Variants in SPG7 observed in about 807,000 individuals in gnomAD.
SPG7 encodes the protein mitochondrial inner membrane m-AAA protease component paraplegin.
Under a neutral mutation model 81.9 loss-of-function variants are expected in SPG7, and 103 were observed. That is an observed-to-expected ratio of 1.26 (90% CI 1.07 to 1.48). SPG7 has a LOEUF of 1.48. Among genes scored for constraint, SPG7 ranks in the 40% most tolerant of loss-of-function variants. The probability of loss-of-function intolerance (pLI) is 0.00; values close to 1 mark genes in which losing one functional copy is unlikely to be tolerated. For synonymous variants in SPG7, 534 were observed against 444.2 expected (o/e 1.20, Z -2.54); for missense variants, 1,241 against 1,087.3 (o/e 1.14, Z -1.99).
intron 10 of SPG7, chr16:89,546,092 C>CT (rs891752792): frequency 0.072 from 17,625 of 246,412 alleles, 61 homozygotes; most frequent in South Asian, 0.11. Context: ...AGAGCGTTCT[C>CT]TTTTTTTTTT....
chr16:89,546,227 C>T lies in SPG7; in HGVS notation c.1450-431C>T, dbSNP rs145888434. On this transcript the variant is annotated intron_variant, in intron 10 of 16. Coordinates refer to ENST00000645818, the MANE Select transcript of SPG7 (RefSeq NM_003119.4). ...TCAGCCTCCCGAGTAGCTGGGATTA[C>T]AGGCACCCGCCGTCTTGCCTGGCTA... is the stretch of plus-strand genomic sequence containing the variant. 866 of 314,720 alleles carry T rather than the reference C, an allele frequency of 2.8e-3. 7 individuals carry two copies. Among genetic ancestry groups the T allele is most frequent in the African/African-American group, 0.018 (817 of 46,056 alleles). 19.5% of individuals were successfully genotyped at this position (314,720 alleles called of 1,614,324 possible).
intron 3 of SPG7, among the ~76,000 whole-genome samples, chr16:89,516,167 T>C (rs1285736891): frequency 6.6e-6 from 1 of 152,070 alleles, no homozygotes; most frequent in African/African-American, 2.4e-5. Flanking sequence ...TTTGTAGTTT[T>C]GGTAGAGACC....
Position 89,524,245 on chromosome 16 carries a change from C to G in SPG7, c.616C>G (p.Pro206Ala), listed in dbSNP as rs1400637806. The G allele has an allele frequency of 6.2e-6, 10 of 1,609,086 alleles. No homozygotes were observed. Among genetic ancestry groups the G allele is most frequent in the Non-Finnish European group, 8.5e-6 (10 of 1,177,550 alleles). The stretch of plus-strand genomic sequence containing the variant: ...CCCTGGAGCCGTGGTGTTTGGGCGG[C>G]CTGTGAGTGAGGGTGCGGGAGGCCT... ...LHPGAVVFGR[P>A]RLALMYRMQV... is the part of the protein sequence containing the mutation. Residue 206 changes from proline (P) to alanine (A), a missense_variant and splice_region_variant, in exon 4 of 17, where the codon CCT becomes GCT. Coordinates refer to ENST00000645818, the MANE Select transcript of SPG7 (RefSeq NM_003119.4).
intron 9 of SPG7, chr16:89,541,455 G>A: frequency 2.0e-6 from 1 of 501,660 alleles, no homozygotes; most frequent in Non-Finnish European, 2.6e-6. Flanking sequence ...AGTTAGGGGA[G>A]GTCTCCAGGG....
Position 89,548,086 on chromosome 16 carries a change from G to A in SPG7, c.1636G>A (p.Glu546Lys), listed in dbSNP as rs773806649. 9.3e-6 allele frequency: 15 copies of A among 1,608,638 alleles called. No individual in the cohort carries two copies. The highest frequency in any genetic ancestry group is 1.7e-5 in the Admixed American group (1 of 60,030). ...GHTSVHTLNF[E>K]YAVERVLAGT... ...CACTTCCGTGCACACTCTCAACTTC[G>A]AGTACGCCGTGGAGCGCGTCCTCGC... The change falls in exon 12 of 17, where the codon GAG becomes AAG. Residue 546 changes from glutamate to lysine, a missense_variant. By Grantham distance (56) the Glu-to-Lys change is moderately conservative (BLOSUM62 1). Coordinates refer to ENST00000645818, the MANE Select transcript of SPG7 (RefSeq NM_003119.4).
chr16:89,514,271 T>G (rs2058061516), intron 3 of SPG7: 2 of 150,158 alleles, frequency 1.3e-5, no homozygotes, highest in Non-Finnish European at 3.0e-5. Context: ...GCTCTTTCCC[T>G]GTATACTTCA....
At position 89,556,885 on chromosome 16, in the gene SPG7, A is replaced by G; in HGVS notation, c.2182-2A>G. The G allele has an allele frequency of 6.2e-7, 1 of 1,612,712 alleles. No homozygotes were observed. Among genetic ancestry groups the G allele is most frequent in the Non-Finnish European group, 8.5e-7 (1 of 1,178,858 alleles). On this transcript the variant is annotated splice_acceptor_variant, in intron 16 of 16. Transcript: ENST00000645818. LOFTEE classifies it high-confidence loss of function. Reference sequence around the variant, plus strand: ...ACACACTGCTATGCCTGTTCTTTCTAGCTGGCAAACGCCCTTCTGGAAAAG... The same window carrying G: ...ACACACTGCTATGCCTGTTCTTTCTGGCTGGCAAACGCCCTTCTGGAAAAG...
intron 3 of SPG7, chr16:89,518,370 G>A (rs533006613): frequency 9.2e-5 from 14 of 152,176 alleles, no homozygotes; most frequent in East Asian, 1.9e-4. Context: ...GGAATTATAC[G>A]GAGTGAAAAA....
Position 89,546,665 on chromosome 16 carries a change from G to A in SPG7, c.1457G>A (p.Arg486Gln), listed in dbSNP as rs111475461. The change falls in exon 11 of 17, where the codon CGG (arginine) becomes CAG (glutamine). Residue 486 changes from arginine (R) to glutamine (Q), a missense_variant. Transcript: ENST00000645818. ...CTCCCCTGGTTCTGGCAGGAGAGGC[G>A]GGAGATTTTTGAGCAGCACCTGAAG... is the stretch of plus-strand genomic sequence containing the variant. Reference protein sequence around the residue: ...FIDLPTLQERREIFEQHLKSL... With the variant: ...FIDLPTLQERQEIFEQHLKSL... 12,988 of 1,610,872 alleles carry A rather than the reference G, an allele frequency of 8.1e-3. 73 individuals are homozygous for A. The highest frequency in any genetic ancestry group is 0.01 in the Non-Finnish European group (12,135 of 1,177,188).
intron 5 of SPG7, chr16:89,526,754 G>C (rs963111902): frequency 1.3e-5 from 5 of 395,522 alleles, no homozygotes; most frequent in Non-Finnish European, 1.4e-5. Context: ...AGCCCCTGAT[G>C]TAGATGCCGA....
chr16:89,552,252 G>A (rs2058642421), intron 13 of SPG7: 1 of 152,596 alleles, frequency 6.6e-6, no homozygotes, highest in South Asian at 2.1e-4. Flanking sequence ...GTAGCGAAGG[G>A]GTCTCGTTAT....
At chr16:89,511,389 A>G (rs2058020002) in intron 2 of SPG7, among the ~76,000 whole-genome samples, 1 of 152,156 alleles carries the variant, frequency 6.6e-6, no homozygotes, top group Non-Finnish European at 1.5e-5. Context: ...AAGGATTGAC[A>G]CCTCTCACTT....
Position 89,524,171 on chromosome 16 carries a change from A to G in SPG7, c.542A>G (p.Gln181Arg). ...GAGATGCTGGCCAAGGGCGAGGTGC[A>G]GCGCGTCCAGGTGGTGCCTGAGAGC... ...VHEMLAKGEV[Q>R]RVQVVPESDV... Residue 181 changes from glutamine (Q) to arginine (R), a missense_variant, in exon 4 of 17, where the codon CAG (glutamine) becomes CGG (arginine). Gln to Arg is a conservative substitution (Grantham distance 43, BLOSUM62 1). Transcript: ENST00000645818. The G allele has an allele frequency of 6.2e-7, 1 of 1,614,082 alleles. No individual in the cohort carries two copies. The highest frequency in any genetic ancestry group is 1.3e-5 in the African/African-American group (1 of 75,046).
At chr16:89,536,632 TGAGGCGGGCGAGGTGGGC>T in intron 9 of SPG7, 2 of 959,312 alleles carry the variant, frequency 2.1e-6, no homozygotes, top group Non-Finnish European at 3.0e-6. Flanking sequence ...TGAGGGCGGG[TGAGGCGGGCGAGGTGGGC>T]GAGGCAGGCG....
At chr16:89,515,544 G>A (rs1420605761) in intron 3 of SPG7, among the ~76,000 whole-genome samples, 2 of 150,848 alleles carry the variant, frequency 1.3e-5, no homozygotes, top group South Asian at 2.1e-4. Flanking sequence ...TGGGATTACA[G>A]GTGTGAGCCA....
intron 14 of SPG7, 106 bp from the exon 15 acceptor site, chr16:89,553,688 G>C: frequency 9.1e-7 from 1 of 1,103,008 alleles, no homozygotes; most frequent in Non-Finnish European, 1.4e-6. Flanking sequence ...GGGAGGAAGG[G>C]GATGGAGGTG....
intron 2 of SPG7, among the ~76,000 whole-genome samples, chr16:89,512,469 C>T (rs1039176080): frequency 1.3e-5 from 2 of 152,050 alleles, no homozygotes; most frequent in Non-Finnish European, 2.9e-5. Flanking sequence ...CCTGCCAACA[C>T]GTCCGGCTAA....
intron 10 of SPG7, chr16:89,544,992 C>A (rs978292586): frequency 3.3e-6 from 2 of 605,088 alleles, no homozygotes; most frequent in South Asian, 1.8e-5. Flanking sequence ...GCTGCACGCC[C>A]CCTGGCAGAC....
chr16:89,541,028 G>A (rs1375300900), intron 9 of SPG7: 2 of 984,394 alleles, frequency 2.0e-6, no homozygotes, highest in African/African-American at 1.8e-5. Context: ...TGAAACTGGT[G>A]TATCCTTATC....
Sources: allele counts gnomAD v4.1 joint callset (sites outside exome capture counted in the v4.1 genomes callset), GRCh38; gene constraint gnomAD v4.1.1; transcripts MANE v1.5; gene names NCBI Gene and HGNC (gene_info 2026-07-23, HGNC 2026-07-21).